Variants in FBN2 observed in about 807,000 individuals in gnomAD.
FBN2 encodes the protein fibrillin 2, also known as fibrillin-2.
A neutral mutation model predicts 355.6 loss-of-function variants in FBN2; 105 were observed. The observed-to-expected ratio is 0.30, with a 90% confidence interval of 0.25 to 0.35. The LOEUF is 0.35. Among genes scored for constraint, FBN2 ranks in the 10% least tolerant of loss-of-function variants. FBN2 has a pLI of 1.00. For synonymous variants in FBN2, 1,350 were observed against 1,301.2 expected, an observed-to-expected ratio of 1.04 and a Z score of -0.81; for missense variants, 3,280 against 3,758.7, an observed-to-expected ratio of 0.87 and a Z score of 3.33.
At position 128,530,677 on chromosome 5, in the gene FBN2, A is replaced by G; in HGVS notation, c.354T>C (p.Ser118=). 6.2e-7 allele frequency: 1 copy of G among 1,610,918 alleles called. No individual in the cohort carries two copies. The highest frequency in any genetic ancestry group is 8.5e-7 in the Non-Finnish European group (1 of 1,177,212). ...GACGGGAACAAAATCCATCTCCACA[A>G]CTATTTCTACAAATCGCTGTAGAAA... The part of the protein sequence containing the change: ...NQCIVPICRN[S]CGDGFCSRPN... The change falls in exon 3 of 65, where the codon AGT becomes AGC. Residue 118 remains serine (S), a synonymous_variant. Coordinates refer to ENST00000262464, the MANE Select transcript of FBN2 (RefSeq NM_001999.4).
At chr5:128,530,803 T>C in intron 2 of FBN2, 110 bp from the exon 3 acceptor site, 2 of 734,542 alleles carry the variant, frequency 2.7e-6, no homozygotes, top group East Asian at 2.7e-5. Flanking sequence ...TAAGATAAAA[T>C]ATATGATATA....
chr5:128,448,066 G>A (rs551852799), intron 6 of FBN2, among the ~76,000 whole-genome samples: 2 of 152,162 alleles, frequency 1.3e-5, no homozygotes, highest in Admixed American at 6.5e-5. Context: ...TCTCCACTAC[G>A]TTTCTTTGTG....
chr5:128,507,701 G>A (rs1014899923), intron 5 of FBN2, among the ~76,000 whole-genome samples: 1 of 151,924 alleles, frequency 6.6e-6, no homozygotes, highest in Admixed American at 6.6e-5. Context: ...CATTTAATAT[G>A]ATCTTTCTTG....
chr5:128,261,639 A>AT, intron 64 of FBN2, 97 bp downstream of exon 64: 1 of 1,052,088 alleles, frequency 9.5e-7, no homozygotes, highest in Non-Finnish European at 1.5e-6. Context: ...TCAAGGTATG[A>AT]TTAACTTCAG....
At chr5:128,428,592 C>T (rs144986599) in intron 7 of FBN2, among the ~76,000 whole-genome samples, 295 of 152,274 alleles carry the variant, frequency 1.9e-3, no homozygotes, top group South Asian at 4.1e-3. Context: ...CAGTGACTTT[C>T]CCTGGTTGCC....
chr5:128,444,925 A>G (rs1467616066), intron 7 of FBN2, among the ~76,000 whole-genome samples: 1 of 152,242 alleles, frequency 6.6e-6, no homozygotes, highest in Admixed American at 6.5e-5. Context: ...GTCCAGAAGT[A>G]AAAAGTGAAA....
chr5:128,258,109 G>T lies in FBN2; in HGVS notation c.*1346C>A, dbSNP rs1006238753. On this transcript the variant is annotated 3_prime_UTR_variant, in exon 65 of 65. Coordinates refer to ENST00000262464, the MANE Select transcript of FBN2 (RefSeq NM_001999.4). ...ATAACTGGTTACTAATCTTTGGTCAGCACAGGTTTGAGAGGAACAACCAGG... is the reference window on the plus strand; with the variant it reads ...ATAACTGGTTACTAATCTTTGGTCATCACAGGTTTGAGAGGAACAACCAGG... 2.6e-5 allele frequency: 4 copies of T among 152,432 alleles called. No homozygotes were observed. Among genetic ancestry groups the T allele is most frequent in the African/African-American group, 9.7e-5 (4 of 41,314 alleles). The allele number at this position is 152,432 out of a possible 1,614,324, so 9.4% of individuals were successfully genotyped here.
intron 25 of FBN2, among the ~76,000 whole-genome samples, chr5:128,341,695 C>G (rs1751024787): frequency 6.6e-6 from 1 of 152,226 alleles, no homozygotes; most frequent in Non-Finnish European, 1.5e-5. Context: ...GGGACTGCAT[C>G]ATAGCCCCAT....
intron 16 of FBN2, 51 bp downstream of exon 16, chr5:128,369,131 G>T: frequency 1.3e-6 from 2 of 1,579,008 alleles, no homozygotes; most frequent in Non-Finnish European, 1.7e-6. Context: ...AAACATCTAA[G>T]GTTGTATTTC....
rs1356151682 is a variant in FBN2, at chr5:128,408,674, C to A, written c.1078G>T (p.Asp360Tyr). 2 of 1,613,840 alleles carry A rather than the reference C, an allele frequency of 1.2e-6. No homozygotes were observed. Among genetic ancestry groups the A allele is most frequent in the Non-Finnish European group, 1.7e-6 (2 of 1,179,838 alleles). Reference sequence around the variant, plus strand: ...TGAGCCTTCAAAATGCGAGGCTTACCGATGCATCGAGAGCCATCTGTTGAG... The same window carrying A: ...TGAGCCTTCAAAATGCGAGGCTTACAGATGCATCGAGAGCCATCTGTTGAG... ...VTSTDGSRCI[D>Y]QRTGMCFSGL... Residue 360 changes from aspartate to tyrosine, a missense_variant and splice_region_variant, in exon 8 of 65, where the codon GAT (aspartate) becomes TAT (tyrosine). Asp to Tyr is a radical substitution (Grantham distance 160). Transcript: ENST00000262464.
intron 7 of FBN2, among the ~76,000 whole-genome samples, chr5:128,420,183 C>A (rs1753310950): frequency 6.6e-6 from 1 of 152,034 alleles, no homozygotes; most frequent in Non-Finnish European, 1.5e-5. Context: ...GCTTATATCA[C>A]CATTCTGAAA....
intron 6 of FBN2, among the ~76,000 whole-genome samples, chr5:128,455,541 T>A (rs1204114263): frequency 6.6e-6 from 1 of 151,896 alleles, no homozygotes; most frequent in Non-Finnish European, 1.5e-5. Flanking sequence ...AGAAGCAGCG[T>A]CTCTCAGAGG....
chr5:128,332,182 C>A (rs1270272938), intron 32 of FBN2, among the ~76,000 whole-genome samples: 1 of 151,972 alleles, frequency 6.6e-6, no homozygotes, highest in African/African-American at 2.4e-5. Context: ...TTACTGAGGG[C>A]CTATATATTT....
At chr5:128,388,325 T>C (rs1752420995) in intron 11 of FBN2, among the ~76,000 whole-genome samples, 1 of 152,244 alleles carries the variant, frequency 6.6e-6, no homozygotes, top group Non-Finnish European at 1.5e-5. Flanking sequence ...CAGTGGGGCA[T>C]TTAGCCCGTT....
chr5:128,356,354 G>A (rs976765522), intron 20 of FBN2, among the ~76,000 whole-genome samples: 4 of 152,174 alleles, frequency 2.6e-5, no homozygotes, highest in African/African-American at 9.7e-5. Context: ...CTAGCATCCA[G>A]CTAAATATGG....
intron 6 of FBN2, among the ~76,000 whole-genome samples, chr5:128,456,833 C>A (rs1231068229): frequency 1.3e-5 from 2 of 152,098 alleles, no homozygotes; most frequent in Admixed American, 6.6e-5. Flanking sequence ...TAGACAAACA[C>A]ACAAAGATGA....
Position 128,277,941 on chromosome 5 carries a change from G to A in FBN2, c.7410C>T (p.Gly2470=), listed in dbSNP as rs1250980008. 1.2e-6 allele frequency: 2 copies of A among 1,613,992 alleles called. No homozygotes were observed. The highest frequency in any genetic ancestry group is 3.3e-5 in the Admixed American group (2 of 60,016). The part of the protein sequence containing the change: ...CTNGQCINTM[G]SFRCFCKVGY... ...CAACCTTGCAGAAGCATCGGAATGA[G>A]CCCATGGTATTGATGCACTGACCAT... The change falls in exon 58 of 65, where the codon GGC becomes GGT. Residue 2470 remains glycine, a synonymous_variant. Coordinates refer to ENST00000262464, the MANE Select transcript of FBN2 (RefSeq NM_001999.4).
At chr5:128,472,527 C>A (rs1754889471) in intron 5 of FBN2, among the ~76,000 whole-genome samples, 1 of 152,132 alleles carries the variant, frequency 6.6e-6, no homozygotes. Flanking sequence ...CACAGTGGCT[C>A]ACACTTGTAA....
intron 18 of FBN2, among the ~76,000 whole-genome samples, chr5:128,363,674 G>C (rs1751697341): frequency 6.6e-6 from 1 of 152,136 alleles, no homozygotes; most frequent in African/African-American, 2.4e-5. Flanking sequence ...CATGACCGGT[G>C]TCCATGTGAA....
Sources: gnomAD v4.1 joint callset for allele counts (sites outside exome capture counted in the v4.1 genomes callset) on GRCh38, gnomAD v4.1.1 for gene constraint, MANE v1.5 for transcripts, NCBI Gene and HGNC (gene_info 2026-07-23, HGNC 2026-07-21) for gene names.